KDM4C: variants seen among roughly 807,000 people sequenced by gnomAD.
KDM4C encodes the protein lysine demethylase 4C.
In KDM4C, 81 loss-of-function variants were observed where a neutral mutation model predicts 129.3. The observed-to-expected ratio is 0.63, with a 90% CI of 0.52 to 0.75. The LOEUF (loss-of-function observed/expected upper bound fraction) is 0.75. Among genes scored for constraint, KDM4C ranks in the 30% least tolerant of loss-of-function variants. KDM4C has a pLI of 0.00. For synonymous variants in KDM4C, 573 were observed against 456.1 expected, an observed-to-expected ratio of 1.26 and a Z score of -3.26; for missense variants, 1,457 against 1,304.0, an observed-to-expected ratio of 1.12 and a Z score of -1.81.
In KDM4C at chr9:6,840,730, A is replaced by G. The variant is rs998231652; in HGVS notation, c.436-8777A>G. On this transcript the variant is annotated intron_variant, in intron 4 of 21. Coordinates refer to ENST00000381309, the MANE Select transcript of KDM4C (RefSeq NM_015061.6). ...TAATTTTCAAATAAGGAGTCCTGTA[A>G]GTTACTGACTGGGCACCTTCCTTTC... is the stretch of plus-strand genomic sequence containing the variant. 7.9e-5 allele frequency among the ~76,000 whole-genome samples: 12 copies of G among 152,306 alleles called. No individual in the cohort carries two copies. In the East Asian group the frequency reaches 1.2e-3, roughly 15 times the overall value.
intron 8 of KDM4C, among the ~76,000 whole-genome samples, chr9:6,896,239 T>A (rs1816410727): frequency 6.6e-6 from 1 of 152,200 alleles, no homozygotes; most frequent in African/African-American, 2.4e-5. Flanking sequence ...AAAAAGTCAT[T>A]GTTCATAAGT....
intron 21 of KDM4C, 56 bp from the exon 22 acceptor site, chr9:7,174,497 G>T (rs755365985): frequency 1.2e-4 from 178 of 1,532,690 alleles, no homozygotes; most frequent in Non-Finnish European, 1.5e-4. Context: ...TCTTTGTCCA[G>T]TGTTCTGAAG....
At chr9:7,059,381 G>A (rs1831303081) in intron 17 of KDM4C, among the ~76,000 whole-genome samples, 1 of 152,152 alleles carries the variant, frequency 6.6e-6, no homozygotes, top group Non-Finnish European at 1.5e-5. Flanking sequence ...GGGATTACAG[G>A]ACTAAGCCAC....
At chr9:7,164,039 A>G (rs1556100) in intron 19 of KDM4C, among the ~76,000 whole-genome samples, 115,152 of 152,098 alleles carry the variant, frequency 0.76, 44,002 homozygotes, top group Middle Eastern at 0.83. Context: ...TAGATTTCCA[A>G]TCATAAACAA....
At chr9:7,035,698 G>T (rs539279172) in intron 15 of KDM4C, among the ~76,000 whole-genome samples, 2 of 152,156 alleles carry the variant, frequency 1.3e-5, no homozygotes, top group African/African-American at 4.8e-5. Context: ...TCATTCTTCT[G>T]CATGTGGATA....
chr9:7,072,770 G>A (rs1833379699), intron 17 of KDM4C, among the ~76,000 whole-genome samples: 1 of 152,088 alleles, frequency 6.6e-6, no homozygotes, highest in Non-Finnish European at 1.5e-5. Flanking sequence ...TATTTACGTT[G>A]CACTTTGAAA....
rs1171693634 is a variant in KDM4C, at chr9:7,011,253, A to AT, written c.1787-443dup. ...TTCAATGAAGTTCAGTTAAACTTTTATTGAGCCATGTACTATGTTAGATGA... is the reference window on the plus strand; with the variant it reads ...TTCAATGAAGTTCAGTTAAACTTTTATTTGAGCCATGTACTATGTTAGATGA... On this transcript the variant is annotated intron_variant, in intron 12 of 21. Transcript: ENST00000381309. 5.9e-5 allele frequency among the ~76,000 whole-genome samples: 9 copies of AT among 152,336 alleles called. No individual in the cohort carries two copies. The South Asian group carries it at 6.2e-4, about 11-fold the overall frequency.
At chr9:6,810,175 G>A (rs981124098) in intron 3 of KDM4C, among the ~76,000 whole-genome samples, 1 of 151,936 alleles carries the variant, frequency 6.6e-6, no homozygotes, top group Non-Finnish European at 1.5e-5. Context: ...GCATGGTATC[G>A]GTTTTCTACT....
At chr9:7,120,590 T>A (rs565308445) in intron 18 of KDM4C, among the ~76,000 whole-genome samples, 1 of 152,338 alleles carries the variant, frequency 6.6e-6, no homozygotes, top group South Asian at 2.1e-4. Flanking sequence ...AGAATGAAAT[T>A]ATTTATTTGA....
At chr9:7,100,966 A>T (rs1340345274) in intron 17 of KDM4C, among the ~76,000 whole-genome samples, 1 of 152,102 alleles carries the variant, frequency 6.6e-6, no homozygotes, top group East Asian at 1.9e-4. Flanking sequence ...TGGTCTAGGA[A>T]TTCCATACAT....
intron 4 of KDM4C, among the ~76,000 whole-genome samples, chr9:6,816,891 G>C (rs1440409170): frequency 6.7e-6 from 1 of 149,494 alleles, no homozygotes; most frequent in African/African-American, 2.5e-5. Flanking sequence ...TGGTTTTAGT[G>C]ATTCTTACTG....
At position 7,165,496 on chromosome 9, in the gene KDM4C, A is replaced by G. The variant is rs764675217; in HGVS notation, c.2901+139A>G. The G allele has an allele frequency of 3.8e-4, 364 of 968,656 alleles. 3 individuals are homozygous for G. Among genetic ancestry groups the G allele is most frequent in the South Asian group, 1.8e-3 (108 of 60,456 alleles). The allele number at this position is 968,656 out of a possible 1,614,324, so 60.0% of individuals were successfully genotyped here. A position where few individuals can be genotyped will look rare whatever the true frequency, so the allele number is the denominator to read the frequency against. Reference sequence around the variant, plus strand: ...ATTTTATGCAGGAGGCAAAGATTCAATGTGTAATGACCCAGGTCGAAACCC... The same window carrying G: ...ATTTTATGCAGGAGGCAAAGATTCAGTGTGTAATGACCCAGGTCGAAACCC... On this transcript the variant is annotated intron_variant, in intron 20 of 21. Transcript: ENST00000381309.
intron 1 of KDM4C, among the ~76,000 whole-genome samples, chr9:6,743,649 A>G (rs1817777509): frequency 6.6e-6 from 1 of 151,942 alleles, no homozygotes; most frequent in Admixed American, 6.6e-5. Context: ...CTGGGATTAT[A>G]GGTGTGTACA....
chr9:6,803,445 C>G (rs1829374271), intron 2 of KDM4C, among the ~76,000 whole-genome samples: 5 of 151,752 alleles, frequency 3.3e-5, no homozygotes. Context: ...TGGTGCGCAC[C>G]TGTAGTCCCA....
chr9:6,739,260 A>G (rs1817615626), intron 1 of KDM4C, among the ~76,000 whole-genome samples: 1 of 151,444 alleles, frequency 6.6e-6, no homozygotes, highest in African/African-American at 2.4e-5. Context: ...TTTAGTAGAT[A>G]TGGGGTTTCA....
chr9:6,827,576 C>A (rs138406092), intron 4 of KDM4C, among the ~76,000 whole-genome samples: 1 of 152,188 alleles, frequency 6.6e-6, no homozygotes, highest in Non-Finnish European at 1.5e-5. Context: ...TTATTTGAGG[C>A]TGTGGGTTTC....
Position 7,013,883 on chromosome 9 carries a change from G to A in KDM4C, c.2064G>A (p.Glu688=), listed in dbSNP as rs769832045. The part of the protein sequence containing the change: ...SEGKTKPLIP[E]MCFIYSEENI... ...GAAAGACTAAGCCCCTCATACCAGA[G>A]ATGTGTTTTATTTATAGTGAAGAAA... The change falls in exon 14 of 22, where the codon GAG becomes GAA. Residue 688 remains glutamate, a synonymous_variant. Coordinates refer to ENST00000381309, the MANE Select transcript of KDM4C (RefSeq NM_015061.6). The A allele has an allele frequency of 6.2e-7, 1 of 1,613,928 alleles. No homozygotes were observed. The highest frequency in any genetic ancestry group is 1.1e-5 in the South Asian group (1 of 91,076).
intron 17 of KDM4C, among the ~76,000 whole-genome samples, chr9:7,072,104 T>C (rs764639623): frequency 2.6e-5 from 4 of 152,202 alleles, no homozygotes; most frequent in Non-Finnish European, 5.9e-5. Flanking sequence ...CACAATGATA[T>C]GTCACTACAT....
intron 2 of KDM4C, among the ~76,000 whole-genome samples, chr9:6,795,859 C>G (rs1386802529): frequency 6.7e-6 from 1 of 149,860 alleles, no homozygotes; most frequent in Non-Finnish European, 1.5e-5. Flanking sequence ...TTTTGTAGAG[C>G]CAAGGTTTCA....
Sources: gnomAD v4.1 joint callset for allele counts (sites outside exome capture counted in the v4.1 genomes callset) on GRCh38, gnomAD v4.1.1 for gene constraint, MANE v1.5 for transcripts, NCBI Gene and HGNC (gene_info 2026-07-23, HGNC 2026-07-21) for gene names.